MED27: variants seen among roughly 807,000 people sequenced by gnomAD.
MED27 encodes the protein mediator of RNA polymerase II transcription subunit 27.
A neutral mutation model predicts 38.2 loss-of-function variants in MED27; 30 were observed. That is an observed-to-expected ratio of 0.79 (90% CI 0.59 to 1.07). The LOEUF is 1.07. MED27 is among the 50% of genes least tolerant of loss of function. The probability of loss-of-function intolerance (pLI) is 0.00; values close to 1 mark genes in which losing one functional copy is unlikely to be tolerated. For synonymous variants in MED27, 122 were observed against 153.5 expected, an observed-to-expected ratio of 0.79 and a Z score of 1.52; for missense variants, 289 against 397.5, an observed-to-expected ratio of 0.73 and a Z score of 2.32.
At chr9:131,967,331 G>A (rs1209971891) in intron 3 of MED27, among the ~76,000 whole-genome samples, 1 of 152,122 alleles carries the variant, frequency 6.6e-6, no homozygotes, top group African/African-American at 2.4e-5. Flanking sequence ...CACCACCACT[G>A]TGAATCAACA....
At chr9:132,036,446 C>T (rs556709792) in intron 2 of MED27, among the ~76,000 whole-genome samples, 42 of 152,326 alleles carry the variant, frequency 2.8e-4, no homozygotes, top group Non-Finnish European at 5.3e-4. Context: ...AAGACATCCT[C>T]CCACCTTGGC....
At chr9:132,042,969 T>C (rs1833251554) in intron 2 of MED27, among the ~76,000 whole-genome samples, 1 of 152,160 alleles carries the variant, frequency 6.6e-6, no homozygotes, top group African/African-American at 2.4e-5. Flanking sequence ...CCATAGACCA[T>C]AGGTACTTTT....
chr9:132,071,297 T>C (rs2131165661), intron 2 of MED27, among the ~76,000 whole-genome samples: 1 of 152,154 alleles, frequency 6.6e-6, no homozygotes, highest in East Asian at 1.9e-4. Flanking sequence ...TGCCACTTGA[T>C]GAACGAGCAC....
Position 132,079,695 on chromosome 9 carries a change from C to T in MED27, c.150G>A (p.Lys50=), listed in dbSNP as rs1019231604. ...TGTCCTGGAAGTGCGCAATAAAGGC[C>T]TTCTCCCGGCCCTCCAGCGTCTCCT... ...RNKETLEGRE[K]AFIAHFQDNL... is the part of the protein sequence containing the mutation. The change falls in exon 1 of 8, where the codon AAG becomes AAA. Residue 50 remains lysine, a synonymous_variant. Transcript: ENST00000292035. The T allele has an allele frequency of 1.3e-4, 203 of 1,613,222 alleles. No individual in the cohort carries two copies. Among genetic ancestry groups the T allele is most frequent in the Non-Finnish European group, 1.5e-4 (178 of 1,179,900 alleles).
At chr9:131,986,948 A>G (rs1402289277) in intron 3 of MED27, among the ~76,000 whole-genome samples, 3 of 145,570 alleles carry the variant, frequency 2.1e-5, no homozygotes, top group Non-Finnish European at 4.5e-5. Context: ...GCATTTTGTC[A>G]CTGAGTAGTT....
At position 132,073,768 on chromosome 9, in the gene MED27, G is replaced by GAA. The variant is rs200460682; in HGVS notation, c.348+3672_348+3673dup. 249 of 1,172,058 alleles carry GAA rather than the reference G, an allele frequency of 2.1e-4. No individual in the cohort carries two copies. The South Asian group carries it at 2.2e-3, about 10-fold the overall frequency. The allele number at this position is 1,172,058 out of a possible 1,614,324, so 72.6% of individuals were successfully genotyped here. The stretch of plus-strand genomic sequence containing the variant: ...CTGTAATAAAAAAAAAATCAAACGT[G>GAA]AAAAAAAAAAAAGGTAGCAGCAGCA... On this transcript the variant is annotated intron_variant, in intron 2 of 7. Transcript: ENST00000292035.
At position 131,863,139 on chromosome 9, in the gene MED27, A is replaced by G. The variant is rs1589166413; in HGVS notation, c.725T>C (p.Val242Ala). ...SKSNYQVFQK[V>A]TDHATTALLH... ...CAGGGCAGTGGTGGCATGGTCTGTC[A>G]CCTGAGAGTGAAGGACAAAGACGAG... Residue 242 changes from valine (V) to alanine (A), a missense_variant and splice_region_variant, in exon 7 of 8, where the codon GTG (valine) becomes GCG (alanine). Val to Ala is a moderately conservative substitution (Grantham distance 64). Coordinates refer to ENST00000292035, the MANE Select transcript of MED27 (RefSeq NM_004269.4). The G allele has an allele frequency of 6.2e-7, 1 of 1,614,116 alleles. No individual in the cohort carries two copies. The highest frequency in any genetic ancestry group is 8.5e-7 in the Non-Finnish European group (1 of 1,179,968).
In MED27 at chr9:131,919,807, CTT is replaced by C. The variant is rs1341697239; in HGVS notation, c.573+19572_573+19573del. On this transcript the variant is annotated intron_variant, in intron 4 of 7. Coordinates refer to ENST00000292035, the MANE Select transcript of MED27 (RefSeq NM_004269.4). ...ATTCTAAGAATAATGCATAATTCTTCTTCCTTTTTTTTTTTTTTTGAGATAGG... is the reference window on the plus strand; with the variant it reads ...ATTCTAAGAATAATGCATAATTCTTCCCTTTTTTTTTTTTTTTGAGATAGG... Among the ~76,000 whole-genome samples, 13 of 130,158 alleles carry C rather than the reference CTT, an allele frequency of 1.0e-4. No individual in the cohort carries two copies. The South Asian group carries it at 1.5e-3, about 15-fold the overall frequency. The allele number at this position is 130,158 out of a possible 152,430, so 85.4% of individuals were successfully genotyped here.
intron 3 of MED27, among the ~76,000 whole-genome samples, chr9:132,008,072 G>A (rs2131067343): frequency 6.6e-6 from 1 of 152,318 alleles, no homozygotes; most frequent in East Asian, 1.9e-4. Context: ...TGCTGTTACT[G>A]AAAGCTGGCA....
intron 3 of MED27, among the ~76,000 whole-genome samples, chr9:131,995,322 T>C (rs1303550589): frequency 6.6e-6 from 1 of 151,278 alleles, no homozygotes; most frequent in Non-Finnish European, 1.5e-5. Flanking sequence ...GATAGACCCA[T>C]GAATAAAGTG....
At chr9:131,863,240 G>C in intron 6 of MED27, 100 bp from the exon 7 acceptor site, 1 of 929,196 alleles carries the variant, frequency 1.1e-6, no homozygotes, top group Non-Finnish European at 1.7e-6. Context: ...ACAGATCTGA[G>C]TATCTCGTGG....
chr9:132,009,033 C>T (rs934814850), intron 3 of MED27, among the ~76,000 whole-genome samples: 2 of 152,174 alleles, frequency 1.3e-5, no homozygotes, highest in African/African-American at 2.4e-5. Flanking sequence ...CCACTCTGCC[C>T]GTGGCCTTCT....
At chr9:131,970,992 G>C (rs1204047947) in intron 3 of MED27, among the ~76,000 whole-genome samples, 1 of 152,234 alleles carries the variant, frequency 6.6e-6, no homozygotes, top group Non-Finnish European at 1.5e-5. Flanking sequence ...TTATAACAGT[G>C]AATGTCCTTA....
chr9:131,930,021 G>A (rs987457212), intron 4 of MED27, among the ~76,000 whole-genome samples: 3 of 151,486 alleles, frequency 2.0e-5, no homozygotes, highest in Non-Finnish European at 2.9e-5. Context: ...CCAGCTCCAG[G>A]TGGCTTAGCA....
intron 2 of MED27, among the ~76,000 whole-genome samples, chr9:132,049,506 G>A (rs1199849664): frequency 6.6e-6 from 1 of 152,126 alleles, no homozygotes; most frequent in Non-Finnish European, 1.5e-5. Context: ...GAGCCCAGTG[G>A]GGAGGAGGCA....
At chr9:131,998,662 C>T (rs1238514815) in intron 3 of MED27, among the ~76,000 whole-genome samples, 1 of 151,914 alleles carries the variant, frequency 6.6e-6, no homozygotes, top group Non-Finnish European at 1.5e-5. Context: ...TCTAAGTGCT[C>T]CTTTGTTTAA....
At chr9:131,948,721 C>G (rs868725804) in intron 3 of MED27, among the ~76,000 whole-genome samples, 7 of 152,252 alleles carry the variant, frequency 4.6e-5, no homozygotes, top group South Asian at 2.1e-4. Context: ...TCAAAAACTT[C>G]AAGATCTCTT....
intron 4 of MED27, among the ~76,000 whole-genome samples, chr9:131,897,622 G>A (rs1829855183): frequency 6.6e-6 from 1 of 152,220 alleles, no homozygotes. Flanking sequence ...TTTCAGAAGA[G>A]TAACACAGGG....
At chr9:132,053,217 C>T (rs186265015) in intron 2 of MED27, among the ~76,000 whole-genome samples, 5 of 149,728 alleles carry the variant, frequency 3.3e-5, no homozygotes, top group Admixed American at 2.7e-4. Flanking sequence ...CGCGCCACTG[C>T]GCTCCAGCCT....
Sources: gnomAD v4.1 joint callset for allele counts (sites outside exome capture counted in the v4.1 genomes callset) on GRCh38, gnomAD v4.1.1 for gene constraint, MANE v1.5 for transcripts, NCBI Gene and HGNC (gene_info 2026-07-23, HGNC 2026-07-21) for gene names.